The following DPP6 variants were observed in gnomAD, a reference collection of about 807,000 sequenced individuals.
DPP6 encodes dipeptidyl peptidase like 6, also known as A-type potassium channel modulatory protein DPP6.
DPP6 carries 69 observed loss-of-function variants against 122.6 expected under a neutral mutation model. That is an observed-to-expected ratio of 0.56 (90% CI 0.46 to 0.69). The LOEUF is 0.69. DPP6 is among the 30% of genes least tolerant of loss of function. The pLI is 0.00. For missense variants in DPP6, 928 were observed against 1,116.9 expected, an observed-to-expected ratio of 0.83 and a Z score of 2.41; for synonymous variants, 418 against 433.1, an observed-to-expected ratio of 0.97 and a Z score of 0.43.
At chr7:154,405,492 C>G (rs1188502434) in intron 1 of DPP6, among the ~76,000 whole-genome samples, 2 of 152,110 alleles carry the variant, frequency 1.3e-5, no homozygotes, top group Non-Finnish European at 2.9e-5. Flanking sequence ...TGTTTGTCGT[C>G]TCTTAAAAAA....
chr7:154,855,841 A>G (rs1297876439), intron 17 of DPP6, among the ~76,000 whole-genome samples: 3 of 152,162 alleles, frequency 2.0e-5, no homozygotes, highest in African/African-American at 7.2e-5. Context: ...TCCTTAAGCA[A>G]ATGTATATTT....
chr7:154,407,161 T>C (rs1405325634), intron 1 of DPP6, among the ~76,000 whole-genome samples: 2 of 152,220 alleles, frequency 1.3e-5, no homozygotes, highest in Non-Finnish European at 2.9e-5. Flanking sequence ...CTGATATTTA[T>C]AATTGTGCTG....
the DPP6 span, among the ~76,000 whole-genome samples, chr7:153,849,024 G>T: frequency 2.0e-5 from 3 of 151,984 alleles, no homozygotes; most frequent in African/African-American, 7.2e-5. Flanking sequence ...ATGTTTATTT[G>T]AGATATTTTT....
At chr7:154,783,461 G>T (rs554195140) in intron 10 of DPP6, among the ~76,000 whole-genome samples, 1 of 152,160 alleles carries the variant, frequency 6.6e-6, no homozygotes, top group Non-Finnish European at 1.5e-5. Flanking sequence ...AGGGAGCAGC[G>T]CGGGTCAGTG....
chr7:153,912,556 C>A (rs567367445), intron 1 of DPP6, among the ~76,000 whole-genome samples: 1 of 152,266 alleles, frequency 6.6e-6, no homozygotes, highest in South Asian at 2.1e-4. Context: ...GCATTTCCTA[C>A]AGAGCTATTT....
intron 1 of DPP6, among the ~76,000 whole-genome samples, chr7:154,361,342 G>C (rs558001401): frequency 2.6e-5 from 4 of 152,144 alleles, no homozygotes; most frequent in Non-Finnish European, 5.9e-5. Flanking sequence ...TCTCGGAAAA[G>C]TCTCCACCTG....
intron 1 of DPP6, among the ~76,000 whole-genome samples, chr7:154,384,737 C>CTTT (rs757829890): frequency 0.077 from 5,716 of 74,240 alleles, 385 homozygotes; most frequent in African/African-American, 0.17. Context: ...TTCTTTCTTT[C>CTTT]TTTTATTTTT....
At chr7:154,133,318 G>A (rs1295896871) in intron 1 of DPP6, among the ~76,000 whole-genome samples, 1 of 152,152 alleles carries the variant, frequency 6.6e-6, no homozygotes. Flanking sequence ...ACCTGAGCCT[G>A]TGTGCCTTCC....
chr7:154,261,916 G>A (rs953561482), intron 1 of DPP6, among the ~76,000 whole-genome samples: 1 of 152,016 alleles, frequency 6.6e-6, no homozygotes, highest in Non-Finnish European at 1.5e-5. Flanking sequence ...AGCTCTAGGG[G>A]AAAAAACTGG....
chr7:153,988,692 G>A (rs1032207112), intron 1 of DPP6, among the ~76,000 whole-genome samples: 2 of 152,246 alleles, frequency 1.3e-5, no homozygotes, highest in Non-Finnish European at 2.9e-5. Flanking sequence ...GCACGTCGGG[G>A]TGGGCAGGCT....
chr7:154,149,329 G>C (rs1796288651), intron 1 of DPP6, among the ~76,000 whole-genome samples: 1 of 152,220 alleles, frequency 6.6e-6, no homozygotes, highest in Non-Finnish European at 1.5e-5. Context: ...GTTGTTTCAA[G>C]CCCTGCCCTG....
intron 1 of DPP6, among the ~76,000 whole-genome samples, chr7:154,255,100 G>A (rs540177137): frequency 1.6e-4 from 25 of 152,208 alleles, no homozygotes; most frequent in Admixed American, 1.5e-3. Flanking sequence ...AATGAATAAA[G>A]GCATGTGCCA....
intron 16 of DPP6, among the ~76,000 whole-genome samples, chr7:154,839,617 T>C (rs541348864): frequency 4.3e-4 from 65 of 152,332 alleles, no homozygotes; most frequent in African/African-American, 1.6e-3. Context: ...CCATTACTGT[T>C]ATTACGGTGG....
At chr7:154,063,445 G>A (rs1397994401) in intron 1 of DPP6, among the ~76,000 whole-genome samples, 1 of 123,254 alleles carries the variant, frequency 8.1e-6, no homozygotes, top group Admixed American at 8.1e-5. Context: ...CGCAAGGGGG[G>A]GAGGCACCTC....
intron 1 of DPP6, among the ~76,000 whole-genome samples, chr7:154,223,398 T>C (rs1800416528): frequency 6.7e-6 from 1 of 149,344 alleles, no homozygotes; most frequent in Non-Finnish European, 1.5e-5. Flanking sequence ...GAACTAATGA[T>C]ACCCAGTCAG....
chr7:154,028,658 C>T (rs1364375695), intron 1 of DPP6, among the ~76,000 whole-genome samples: 2 of 152,132 alleles, frequency 1.3e-5, no homozygotes, highest in African/African-American at 4.8e-5. Context: ...TTCCTCCTTT[C>T]CCCTCTCCTT....
chr7:154,210,046 A>G (rs917194960), intron 1 of DPP6, among the ~76,000 whole-genome samples: 6 of 152,156 alleles, frequency 3.9e-5, no homozygotes, highest in Admixed American at 3.3e-4. Context: ...CTTGGTTGGG[A>G]AAACCTCATT....
chr7:154,715,151 C>A (rs1167908364), intron 7 of DPP6, among the ~76,000 whole-genome samples: 2 of 152,220 alleles, frequency 1.3e-5, no homozygotes, highest in Non-Finnish European at 2.9e-5. Context: ...ACTGCAACCT[C>A]TGCCTCCCAG....
At chr7:154,825,388 G>A (rs1800074497) in intron 16 of DPP6, among the ~76,000 whole-genome samples, 1 of 152,202 alleles carries the variant, frequency 6.6e-6, no homozygotes, top group African/African-American at 2.4e-5. Flanking sequence ...GTAAGACAGC[G>A]TTCATAGTAA....
Sources: allele counts gnomAD v4.1 joint callset (sites outside exome capture counted in the v4.1 genomes callset), GRCh38; gene constraint gnomAD v4.1.1; transcripts MANE v1.5; gene names NCBI Gene and HGNC (gene_info 2026-07-23, HGNC 2026-07-21).